Variants in WWC1 observed in about 807,000 individuals in gnomAD.
WWC1 encodes the protein protein KIBRA.
WWC1 carries 55 observed loss-of-function variants against 138.4 expected under a neutral mutation model. The ratio of observed to expected loss-of-function variants is 0.40; its 90% CI spans 0.32 to 0.50. The LOEUF is 0.50. Ranked by LOEUF, WWC1 falls within the 20% of genes least tolerant of loss-of-function variation. The pLI is 0.72. For synonymous variants in WWC1, 524 were observed against 564.9 expected, an observed-to-expected ratio of 0.93 and a Z score of 1.03; for missense variants, 1,226 against 1,420.4, an observed-to-expected ratio of 0.86 and a Z score of 2.20.
chr5:168,424,654 C>A (rs1781368262), intron 11 of WWC1, among the ~76,000 whole-genome samples: 1 of 152,084 alleles, frequency 6.6e-6, no homozygotes, highest in African/African-American at 2.4e-5. Flanking sequence ...TCTCTGAGGT[C>A]AGAGCAAGGG....
chr5:168,381,246 C>A (rs1340348815), intron 2 of WWC1, among the ~76,000 whole-genome samples: 1 of 152,126 alleles, frequency 6.6e-6, no homozygotes, highest in Non-Finnish European at 1.5e-5. Context: ...GTAAGGGTCT[C>A]ATATACCTTT....
At chr5:168,294,395 G>A (rs1769337141) in intron 1 of WWC1, among the ~76,000 whole-genome samples, 3 of 151,922 alleles carry the variant, frequency 2.0e-5, no homozygotes, top group Non-Finnish European at 4.4e-5. Context: ...TTGTCATACA[G>A]GGGAAACAAA....
At chr5:168,378,454 C>T (rs1041371380) in intron 2 of WWC1, among the ~76,000 whole-genome samples, 1 of 152,128 alleles carries the variant, frequency 6.6e-6, no homozygotes, top group Non-Finnish European at 1.5e-5. Flanking sequence ...AAATAAAACA[C>T]ATAATGGAAG....
chr5:168,448,986 A>T (rs1453027795), intron 17 of WWC1, among the ~76,000 whole-genome samples: 1 of 152,156 alleles, frequency 6.6e-6, no homozygotes, highest in African/African-American at 2.4e-5. Flanking sequence ...AGCCTCTCTG[A>T]CACTCAATCT....
At chr5:168,348,670 T>C (rs1307376588) in intron 1 of WWC1, among the ~76,000 whole-genome samples, 1 of 151,380 alleles carries the variant, frequency 6.6e-6, no homozygotes. Context: ...GATCAAGGAG[T>C]AGTTGTCCAG....
At chr5:168,356,512 C>T (rs1027634405) in intron 1 of WWC1, among the ~76,000 whole-genome samples, 2 of 152,224 alleles carry the variant, frequency 1.3e-5, no homozygotes, top group Non-Finnish European at 2.9e-5. Flanking sequence ...TTCCCCGGCC[C>T]ACACCCTGCT....
At chr5:168,420,361 T>C (rs1197317606) in intron 9 of WWC1, among the ~76,000 whole-genome samples, 1 of 152,044 alleles carries the variant, frequency 6.6e-6, no homozygotes, top group Non-Finnish European at 1.5e-5. Flanking sequence ...TGCCCTAATC[T>C]CCTCTTAGAA....
At chr5:168,373,987 A>C (rs1224959751) in intron 2 of WWC1, among the ~76,000 whole-genome samples, 1 of 148,606 alleles carries the variant, frequency 6.7e-6, no homozygotes, top group Non-Finnish European at 1.5e-5. Context: ...CGGAGCTTGC[A>C]GTGAGCCGAG....
At chr5:168,396,605 C>T (rs1778921502) in intron 3 of WWC1, among the ~76,000 whole-genome samples, 1 of 152,168 alleles carries the variant, frequency 6.6e-6, no homozygotes, top group Non-Finnish European at 1.5e-5. Context: ...CTTAAGGACA[C>T]CACAAATCTT....
chr5:168,325,369 A>G (rs1475868101), intron 1 of WWC1, among the ~76,000 whole-genome samples: 1 of 152,180 alleles, frequency 6.6e-6, no homozygotes, highest in Non-Finnish European at 1.5e-5. Flanking sequence ...GGATGGCATC[A>G]TTGTCAGTCT....
chr5:168,465,059 C>A, intron 21 of WWC1, 97 bp downstream of exon 21: 1 of 1,469,000 alleles, frequency 6.8e-7, no homozygotes, highest in Non-Finnish European at 9.0e-7. Context: ...CATGATGCAT[C>A]CTACAATTCC....
chr5:168,428,069 C>A lies in WWC1; in HGVS notation c.1847C>A (p.Ala616Asp). ...NTAQGCGLKV[A>D]CVSAAVSDES... ...GCCCAGGGGTGTGGCCTGAAAGTGG[C>A]CTGTGTCTCAGCCGCCGTATCGGAC... The change falls in exon 12 of 23, where the codon GCC becomes GAC. Residue 616 changes from alanine (A) to aspartate (D), a missense_variant. Coordinates refer to ENST00000265293, the MANE Select transcript of WWC1 (RefSeq NM_015238.3). The A allele has an allele frequency of 1.2e-6, 2 of 1,613,778 alleles. No homozygotes were observed. Among genetic ancestry groups the A allele is most frequent in the Non-Finnish European group, 1.7e-6 (2 of 1,179,800 alleles).
intron 1 of WWC1, among the ~76,000 whole-genome samples, chr5:168,315,563 T>C (rs960596760): frequency 2.6e-5 from 4 of 152,052 alleles, no homozygotes; most frequent in African/African-American, 9.6e-5. Context: ...CCCACTGTGT[T>C]TTCTCCTAAT....
intron 11 of WWC1, among the ~76,000 whole-genome samples, chr5:168,425,193 C>G (rs564569632): frequency 6.6e-6 from 1 of 152,138 alleles, no homozygotes; most frequent in Non-Finnish European, 1.5e-5. Flanking sequence ...CCCCGGAACC[C>G]AACCCCCTTA....
At chr5:168,319,439 T>A (rs1449188246) in intron 1 of WWC1, among the ~76,000 whole-genome samples, 1 of 152,104 alleles carries the variant, frequency 6.6e-6, no homozygotes, top group Non-Finnish European at 1.5e-5. Context: ...TAAATAAATA[T>A]GTGTTTGTTG....
chr5:168,352,103 G>T (rs545160100), intron 1 of WWC1, among the ~76,000 whole-genome samples: 1 of 152,280 alleles, frequency 6.6e-6, no homozygotes, highest in South Asian at 2.1e-4. Context: ...ATGAGACAAG[G>T]CCTGGCCCAT....
rs749318706 is a variant in WWC1, at chr5:168,467,849, C to T, written c.3160C>T (p.Arg1054Ter). ...TGCTTGCTTTGCCCAGCAGATGGAC[C>T]GAGCGGAGCACAAGGGTGAGCTTCA... ...LRMLEKRQMD[R>*]AEHKGELQTD... Residue 1054 changes from arginine to a stop codon, truncating the protein, a stop_gained, in exon 22 of 23, where the codon CGA becomes TGA. Coordinates refer to ENST00000265293, the MANE Select transcript of WWC1 (RefSeq NM_015238.3). LOFTEE classifies it high-confidence loss of function. 2.5e-6 allele frequency: 4 copies of T among 1,614,142 alleles called. No homozygotes were observed. The highest frequency in any genetic ancestry group is 1.1e-5 in the South Asian group (1 of 91,080).
chr5:168,348,154 A>G (rs1420792666), intron 1 of WWC1, among the ~76,000 whole-genome samples: 1 of 152,132 alleles, frequency 6.6e-6, no homozygotes, highest in African/African-American at 2.4e-5. Context: ...TGTGATGTGC[A>G]CCGTTTCCTG....
At chr5:168,390,344 A>T (rs1319821060) in intron 3 of WWC1, among the ~76,000 whole-genome samples, 1 of 152,246 alleles carries the variant, frequency 6.6e-6, no homozygotes, top group Non-Finnish European at 1.5e-5. Context: ...ACCAATAAGA[A>T]TAAATACATG....
Sources: gnomAD v4.1 joint callset for allele counts (sites outside exome capture counted in the v4.1 genomes callset) on GRCh38, gnomAD v4.1.1 for gene constraint, MANE v1.5 for transcripts, NCBI Gene and HGNC (gene_info 2026-07-23, HGNC 2026-07-21) for gene names.